The following CNTN4 variants were observed in gnomAD, a reference collection of about 807,000 sequenced individuals.
The protein encoded by CNTN4 is contactin 4, also known as contactin-4.
CNTN4 carries 77 observed loss-of-function variants against 122.5 expected under a neutral mutation model. The observed-to-expected ratio is 0.63, with a 90% CI of 0.52 to 0.76. The LOEUF (loss-of-function observed/expected upper bound fraction) is 0.76. Ranked by LOEUF, CNTN4 falls within the 30% of genes least tolerant of loss-of-function variation. CNTN4 has a pLI of 0.00. For missense variants in CNTN4, 1,256 were observed against 1,259.1 expected (o/e 1.00, Z 0.04); for synonymous variants, 512 against 447.0 (o/e 1.15, Z -1.83).
rs367902828 is a variant in CNTN4, at chr3:2,507,685, A to C, written c.-88-63731A>C. Among the ~76,000 whole-genome samples the C allele has an allele frequency of 2.3e-4, 34 of 149,430 alleles. No homozygotes were observed. The South Asian group carries it at 7.1e-3, about 31-fold the overall frequency. ...AGGAGGCGGAGGTTGCAGTGAGCCGAGATTGCACCACTGCACTCCAGTCTG... is the reference window on the plus strand; with the variant it reads ...AGGAGGCGGAGGTTGCAGTGAGCCGCGATTGCACCACTGCACTCCAGTCTG... On this transcript the variant is annotated intron_variant, in intron 3 of 24. Coordinates refer to ENST00000418658, the MANE Select transcript of CNTN4 (RefSeq NM_175607.3).
At chr3:2,287,700 GAAGAAGAAGAGGAAGAAGAA>G (rs2041976686) in intron 2 of CNTN4, among the ~76,000 whole-genome samples, 1,900 of 77,822 alleles carry the variant, frequency 0.024, 63 homozygotes, top group Middle Eastern at 0.046. Context: ...AGAGGAAGAA[GAAGAAGAAGAGGAAGAAGAA>G]GAAGAAGAAG....
At chr3:2,389,257 T>C (rs561170868) in intron 3 of CNTN4, among the ~76,000 whole-genome samples, 12 of 115,560 alleles carry the variant, frequency 1.0e-4, no homozygotes, top group African/African-American at 3.2e-4. Flanking sequence ...GTGATCTATC[T>C]TCACGTGGCT....
rs56398439 is a variant in CNTN4 at position 2,864,740 on chromosome 3, C to CAAAAAA, written c.455-2002_455-1997dup. Among the ~76,000 whole-genome samples, 101 of 54,702 alleles carry CAAAAAA rather than the reference C, an allele frequency of 1.8e-3. 10 individuals carry two copies. The highest frequency in any genetic ancestry group is 7.0e-3 in the African/African-American group (94 of 13,336). The allele number at this position is 54,702 out of a possible 152,430, so 35.9% of individuals were successfully genotyped here. On this transcript the variant is annotated intron_variant, in intron 7 of 24. Transcript: ENST00000418658. ...GGCAACAAAAAGCAAAACTCCATCT[C>CAAAAAA]AAAAAAAAAAAAAAAGTTTCCGGTA...
At chr3:3,001,630 T>C (rs975110386) in intron 14 of CNTN4, among the ~76,000 whole-genome samples, 7 of 152,330 alleles carry the variant, frequency 4.6e-5, no homozygotes, top group Admixed American at 3.3e-4. Context: ...CTTATAGCTC[T>C]AAATCACATG....
chr3:2,839,925 A>G (rs1440262931), intron 7 of CNTN4, among the ~76,000 whole-genome samples: 1 of 152,152 alleles, frequency 6.6e-6, no homozygotes, highest in Non-Finnish European at 1.5e-5. Flanking sequence ...CTCTATTCCC[A>G]AGTGTTATTT....
chr3:2,824,964 T>C (rs998287156), intron 7 of CNTN4, among the ~76,000 whole-genome samples: 1 of 151,944 alleles, frequency 6.6e-6, no homozygotes, highest in Non-Finnish European at 1.5e-5. Flanking sequence ...CACTGGCCAA[T>C]TGAAAATAAT....
At chr3:2,601,272 T>G (rs1405504104) in intron 4 of CNTN4, among the ~76,000 whole-genome samples, 1 of 152,248 alleles carries the variant, frequency 6.6e-6, no homozygotes, top group Non-Finnish European at 1.5e-5. Context: ...ATAAAGTCCT[T>G]GCCCATGCCT....
Position 2,335,427 on chromosome 3 carries a change from T to A in CNTN4, c.-144-3751T>A, listed in dbSNP as rs1194493544. On this transcript the variant is annotated intron_variant, in intron 2 of 24. Transcript: ENST00000418658. ...GTAGGAGTACATTAGGCTCATTTTA[T>A]TCGAAAGGAAGCTGAGCTTAAAGAA... 2.0e-5 allele frequency among the ~76,000 whole-genome samples: 3 copies of A among 152,080 alleles called. No homozygotes were observed. In the East Asian group the frequency reaches 5.8e-4, roughly 29 times the overall value.
At chr3:2,566,281 A>C in intron 3 of CNTN4, among the ~76,000 whole-genome samples, 1 of 152,242 alleles carries the variant, frequency 6.6e-6, no homozygotes, top group East Asian at 1.9e-4. Flanking sequence ...ATGAAGACAT[A>C]GATTTAAATA....
At chr3:2,713,813 G>T (rs889926030) in intron 4 of CNTN4, among the ~76,000 whole-genome samples, 5 of 152,178 alleles carry the variant, frequency 3.3e-5, no homozygotes, top group Non-Finnish European at 7.4e-5. Context: ...ATAGGCTTTA[G>T]ATTCTCACAG....
chr3:2,155,490 C>G (rs2035680446), intron 2 of CNTN4, among the ~76,000 whole-genome samples: 1 of 152,162 alleles, frequency 6.6e-6, no homozygotes, highest in Non-Finnish European at 1.5e-5. Context: ...GAACACAGCT[C>G]TTTTTCTTTT....
chr3:2,168,654 C>G (rs1018037305), intron 2 of CNTN4, among the ~76,000 whole-genome samples: 1 of 151,822 alleles, frequency 6.6e-6, no homozygotes, highest in African/African-American at 2.4e-5. Context: ...AAAAATACCC[C>G]ATATTTGAAA....
At chr3:2,826,822 C>G (rs991783694) in intron 7 of CNTN4, among the ~76,000 whole-genome samples, 10 of 152,174 alleles carry the variant, frequency 6.6e-5, no homozygotes, top group Non-Finnish European at 5.9e-5. Flanking sequence ...GTTGCCAACT[C>G]TGCCTAACTC....
intron 3 of CNTN4, among the ~76,000 whole-genome samples, chr3:2,348,575 A>G (rs1336725861): frequency 6.6e-6 from 1 of 151,966 alleles, no homozygotes; most frequent in Non-Finnish European, 1.5e-5. Flanking sequence ...TCAGCATTCC[A>G]TTTCCTTTCC....
intron 6 of CNTN4, among the ~76,000 whole-genome samples, chr3:2,772,811 A>G (rs546663650): frequency 6.6e-6 from 1 of 152,344 alleles, no homozygotes; most frequent in Non-Finnish European, 1.5e-5. Context: ...AGATCATCCA[A>G]AAAAGAGAGA....
chr3:2,835,643 C>T lies in CNTN4; in HGVS notation c.454+16062C>T, dbSNP rs140996633. Reference sequence around the variant, plus strand: ...TTTAAAAACCGTCCCATGCAAATTTCAAATCACATTTCTGATACCTACTGG... The same window carrying T: ...TTTAAAAACCGTCCCATGCAAATTTTAAATCACATTTCTGATACCTACTGG... On this transcript the variant is annotated intron_variant, in intron 7 of 24. Coordinates refer to ENST00000418658, the MANE Select transcript of CNTN4 (RefSeq NM_175607.3). Among the ~76,000 whole-genome samples the T allele has an allele frequency of 6.9e-3, 1,049 of 152,068 alleles. 6 individuals are homozygous for T. Among genetic ancestry groups the T allele is most frequent in the East Asian group, 0.022 (113 of 5,182 alleles).
intron 6 of CNTN4, among the ~76,000 whole-genome samples, chr3:2,766,908 A>T (rs896926793): frequency 1.1e-4 from 17 of 152,274 alleles, no homozygotes; most frequent in African/African-American, 4.1e-4. Flanking sequence ...GACAAAGTCC[A>T]TGTTGGTTTG....
chr3:2,332,959 G>C (rs1318738707), intron 2 of CNTN4, among the ~76,000 whole-genome samples: 1 of 152,016 alleles, frequency 6.6e-6, no homozygotes, highest in South Asian at 2.1e-4. Flanking sequence ...TTTTTCTCCT[G>C]ATCTCCAAAT....
intron 4 of CNTN4, among the ~76,000 whole-genome samples, chr3:2,653,093 C>A (rs994117251): frequency 6.6e-6 from 1 of 151,844 alleles, no homozygotes; most frequent in African/African-American, 2.4e-5. Flanking sequence ...TTTTGTGTGG[C>A]TTATAAATCA....
Sources: gnomAD v4.1 joint callset for allele counts (sites outside exome capture counted in the v4.1 genomes callset) on GRCh38, gnomAD v4.1.1 for gene constraint, MANE v1.5 for transcripts, NCBI Gene and HGNC (gene_info 2026-07-23, HGNC 2026-07-21) for gene names.